GAB2: variants seen among roughly 807,000 people sequenced by gnomAD.
GAB2 encodes the protein GRB2-associated-binding protein 2.
In GAB2, 26 loss-of-function variants were observed where a neutral mutation model predicts 65.5. The observed-to-expected ratio is 0.40, with a 90% CI of 0.29 to 0.55. GAB2 has a LOEUF of 0.55. GAB2 is among the 20% of genes least tolerant of loss of function. The probability of loss-of-function intolerance (pLI) is 0.53; values close to 1 mark genes in which losing one functional copy is unlikely to be tolerated. For synonymous variants in GAB2, 321 were observed against 329.6 expected (o/e 0.97, Z 0.28); for missense variants, 884 against 875.8 (o/e 1.01, Z -0.12).
chr11:78,349,171 T>A (rs966239739), intron 1 of GAB2, among the ~76,000 whole-genome samples: 1 of 152,206 alleles, frequency 6.6e-6, no homozygotes, highest in African/African-American at 2.4e-5. Flanking sequence ...TCACTGTGTG[T>A]AAATTATCCT....
At chr11:78,368,429 A>T (rs1385833110) in intron 1 of GAB2, among the ~76,000 whole-genome samples, 7 of 152,204 alleles carry the variant, frequency 4.6e-5, no homozygotes, top group African/African-American at 1.7e-4. Context: ...GGACAAAAAA[A>T]TTTCCTATAG....
chr11:78,341,866 A>G (rs1856102429), intron 1 of GAB2: 1 of 985,912 alleles, frequency 1.0e-6, no homozygotes, highest in South Asian at 4.7e-5. Context: ...TCATCCCACC[A>G]CTTCTCAAAA....
intron 2 of GAB2, among the ~76,000 whole-genome samples, chr11:78,278,857 AT>A (rs1274304344): frequency 6.6e-6 from 1 of 152,070 alleles, no homozygotes; most frequent in Non-Finnish European, 1.5e-5. Flanking sequence ...AGTAGCTGGG[AT>A]TACAGGCATG....
intron 2 of GAB2, among the ~76,000 whole-genome samples, chr11:78,270,948 G>C (rs568057755): frequency 6.6e-6 from 1 of 152,356 alleles, no homozygotes; most frequent in African/African-American, 2.4e-5. Flanking sequence ...GCAATGTTGA[G>C]ACTCAAGTGC....
At chr11:78,415,688 G>GCCAT (rs1328381241) in intron 1 of GAB2, among the ~76,000 whole-genome samples, 5 of 152,146 alleles carry the variant, frequency 3.3e-5, no homozygotes, top group African/African-American at 1.2e-4. Flanking sequence ...AGAGGCTAAG[G>GCCAT]CCATCATACG....
chr11:78,235,277 C>T lies in GAB2; in HGVS notation c.621-8226G>A, dbSNP rs181789317. Among the ~76,000 whole-genome samples the T allele has an allele frequency of 5.9e-3, 901 of 151,928 alleles. 6 individuals are homozygous for T. The highest frequency in any genetic ancestry group is 0.021 in the African/African-American group (857 of 41,464). ...ACGCCATTCTCCTGCCTCAGTCTCC[C>T]GAGTAGCTGGGACTAAAGGCGCCCG... On this transcript the variant is annotated intron_variant, in intron 3 of 9. Transcript: ENST00000361507.
intron 2 of GAB2, among the ~76,000 whole-genome samples, chr11:78,257,847 C>T (rs1865633800): frequency 6.6e-6 from 1 of 151,552 alleles, no homozygotes; most frequent in Non-Finnish European, 1.5e-5. Context: ...AAAATAGGCT[C>T]AGAGACATCA....
At chr11:78,369,875 C>T (rs1020026827) in intron 1 of GAB2, among the ~76,000 whole-genome samples, 7 of 152,106 alleles carry the variant, frequency 4.6e-5, no homozygotes, top group East Asian at 3.8e-4. Flanking sequence ...TGGCATCTGG[C>T]GTGGGGTTTT....
Position 78,225,652 on chromosome 11 carries a change from A to C in GAB2, c.1208-450T>G, listed in dbSNP as rs189872223. On this transcript the variant is annotated intron_variant, in intron 4 of 9. Transcript: ENST00000361507. The stretch of plus-strand genomic sequence containing the variant: ...TCCAAAACGGAGTATGACTGCTCAA[A>C]TTGTCGATGGATTGAAAGACGGCAA... 3.5e-4 allele frequency among the ~76,000 whole-genome samples: 54 copies of C among 152,356 alleles called. 1 individual carries two copies. In the East Asian group the frequency reaches 0.01, roughly 28 times the overall value.
chr11:78,314,881 G>T (rs1389936699), intron 1 of GAB2, among the ~76,000 whole-genome samples: 1 of 152,170 alleles, frequency 6.6e-6, no homozygotes, highest in Non-Finnish European at 1.5e-5. Context: ...AAGAGGCCTT[G>T]GAGAAAGACC....
chr11:78,381,542 C>T (rs1432870788), intron 1 of GAB2, among the ~76,000 whole-genome samples: 3 of 152,182 alleles, frequency 2.0e-5, no homozygotes, highest in African/African-American at 7.2e-5. Flanking sequence ...CTCCCACCTG[C>T]TACAGCCAAA....
chr11:78,412,031 A>AAC (rs1857136320), intron 1 of GAB2, among the ~76,000 whole-genome samples: 1 of 150,646 alleles, frequency 6.6e-6, no homozygotes, highest in African/African-American at 2.5e-5. Context: ...ATCTGTCTAA[A>AAC]AACAACAACA....
At chr11:78,223,817 C>A (rs1864540900) in intron 5 of GAB2, 141 bp from the exon 6 acceptor site, 1 of 665,978 alleles carries the variant, frequency 1.5e-6, no homozygotes. Flanking sequence ...CTTGGGGAGA[C>A]CAAATAAGAA....
Position 78,401,156 on chromosome 11 carries a change from TATC to T in GAB2, c.75+16487_75+16489del, listed in dbSNP as rs1362632028. Among the ~76,000 whole-genome samples the T allele has an allele frequency of 3.3e-5, 5 of 152,262 alleles. No homozygotes were observed. In the East Asian group the frequency reaches 9.7e-4, roughly 29 times the overall value. ...CATAAAATGTACAGAATACAAAATT[TATC>T]ATCTTATCATTTTTAAGTGTACAGC... is the stretch of plus-strand genomic sequence containing the variant. On this transcript the variant is annotated intron_variant, in intron 1 of 9. Transcript: ENST00000361507.
chr11:78,267,880 A>AAAAAAAAAAAAAAAAAAAAAAAAC, intron 2 of GAB2, among the ~76,000 whole-genome samples: 2 of 151,016 alleles, frequency 1.3e-5, no homozygotes, highest in African/African-American at 2.4e-5. Flanking sequence ...AAAAAAAAAA[A>AAAAAAAAAAAAAAAAAAAAAAAAC]AGAGTCTCTG....
intron 2 of GAB2, among the ~76,000 whole-genome samples, chr11:78,259,517 T>G (rs1942352): frequency 0.23 from 35,034 of 152,072 alleles, 4,460 homozygotes; most frequent in East Asian, 0.4. Flanking sequence ...CAAGACTGGA[T>G]CCAAAGCTCC....
At chr11:78,319,478 TAG>T (rs1380941927) in intron 1 of GAB2, among the ~76,000 whole-genome samples, 1 of 152,232 alleles carries the variant, frequency 6.6e-6, no homozygotes, top group African/African-American at 2.4e-5. Flanking sequence ...AAAAAAGTGG[TAG>T]AGTTTCTGTT....
intron 3 of GAB2, among the ~76,000 whole-genome samples, chr11:78,239,009 C>T (rs879744012): frequency 5.3e-5 from 8 of 151,722 alleles, no homozygotes; most frequent in South Asian, 4.2e-4. Context: ...GGCCAACGCA[C>T]GCATGAAAAG....
intron 1 of GAB2, among the ~76,000 whole-genome samples, chr11:78,310,513 C>CAAAAA (rs11285625): frequency 1.3e-5 from 1 of 74,740 alleles, no homozygotes; most frequent in Non-Finnish European, 2.8e-5. Context: ...GACTCTGTCT[C>CAAAAA]AAAAAAAAAA....
Sources: gnomAD v4.1 joint callset for allele counts (sites outside exome capture counted in the v4.1 genomes callset) on GRCh38, gnomAD v4.1.1 for gene constraint, MANE v1.5 for transcripts, NCBI Gene and HGNC (gene_info 2026-07-23, HGNC 2026-07-21) for gene names.